The following PITRM1 variants were observed in gnomAD, a reference collection of about 807,000 sequenced individuals.
PITRM1 encodes pitrilysin metallopeptidase 1, also known as presequence protease, mitochondrial.
PITRM1 carries 100 observed loss-of-function variants against 129.9 expected under a neutral mutation model. The ratio of observed to expected loss-of-function variants is 0.77; its 90% CI spans 0.65 to 0.91. The LOEUF (loss-of-function observed/expected upper bound fraction) is 0.91, where lower values mean the gene tolerates loss of function less well. PITRM1 is among the 40% of genes least tolerant of loss of function. The pLI, the probability that PITRM1 is intolerant of heterozygous loss-of-function variation, is 0.00. For synonymous variants in PITRM1, 591 were observed against 508.8 expected, an observed-to-expected ratio of 1.16 and a Z score of -2.17; for missense variants, 1,471 against 1,318.3, an observed-to-expected ratio of 1.12 and a Z score of -1.79.
chr10:3,172,311 C>T (rs1843447238), intron 1 of PITRM1: 2 of 496,680 alleles, frequency 4.0e-6, no homozygotes, highest in South Asian at 1.5e-5. Flanking sequence ...CTGAACACAG[C>T]GAGACTTTAA....
chr10:3,151,101 G>C, intron 15 of PITRM1, 146 bp downstream of exon 15: 1 of 648,112 alleles, frequency 1.5e-6, no homozygotes, highest in Non-Finnish European at 2.9e-6. Context: ...CAGAAGAATC[G>C]TGTAGAGCGA....
At chr10:3,166,126 A>G (rs1342599316) in intron 4 of PITRM1, 103 bp downstream of exon 4, 3 of 968,214 alleles carry the variant, frequency 3.1e-6, no homozygotes, top group African/African-American at 1.7e-5. Context: ...TTTCTAGAAC[A>G]TGAATTGCCC....
rs1230084249 is a variant in PITRM1, at chr10:3,138,088, G to C, written c.3057C>G (p.Ala1019=). 6.2e-7 allele frequency: 1 copy of C among 1,610,752 alleles called. No individual in the cohort carries two copies. The highest frequency in any genetic ancestry group is 1.1e-5 in the South Asian group (1 of 90,030). The change falls in exon 27 of 27, where the codon GCC becomes GCG. Residue 1019 remains alanine, a synonymous_variant. Coordinates refer to ENST00000224949, the MANE Select transcript of PITRM1 (RefSeq NM_014889.4). ...TTTTCGGGTTCTCGGGTCCGAGGAT[G>C]GCCAGGCCGTGTGTGCTCTTCCCAG... The part of the protein sequence containing the change: ...LGTGKSTHGL[A]ILGPENPKIA...
chr10:3,138,467 G>A, intron 25 of PITRM1, 130 bp from the exon 26 acceptor site: 1 of 696,662 alleles, frequency 1.4e-6, no homozygotes, highest in Non-Finnish European at 2.5e-6. Flanking sequence ...CCACAGGGAT[G>A]TGTCTAACAA....
intron 13 of PITRM1, 101 bp from the exon 14 acceptor site, chr10:3,155,830 T>TC: frequency 7.4e-7 from 1 of 1,345,960 alleles, no homozygotes; most frequent in Non-Finnish European, 1.0e-6. Context: ...GTCCTGTGGT[T>TC]CCACTTTCCC....
chr10:3,138,626 G>T, intron 25 of PITRM1: 1 of 606,664 alleles, frequency 1.6e-6, no homozygotes, highest in Non-Finnish European at 2.9e-6. Context: ...GGCCATGCCC[G>T]GGCCGTGCCC....
Position 3,163,760 on chromosome 10 carries a change from C to A in PITRM1, c.756G>T (p.Gln252His), listed in dbSNP as rs1842642265. The part of the protein sequence containing the change: ...IPELTWEQLK[Q>H]FHATHYHPSN... ...TTGGGTGATAGTGAGTGGCATGAAA[C>A]TGCTTAAGCTGCTCCCATGTAAGCT... The change falls in exon 7 of 27, where the codon CAG becomes CAT. Residue 252 changes from glutamine (Q) to histidine (H), a missense_variant. Transcript: ENST00000224949. 6.2e-7 allele frequency: 1 copy of A among 1,612,002 alleles called. No individual in the cohort carries two copies.
intron 6 of PITRM1, 42 bp from the exon 7 acceptor site, chr10:3,163,927 A>C: frequency 7.2e-7 from 1 of 1,387,874 alleles, no homozygotes; most frequent in Non-Finnish European, 1.0e-6. Context: ...TACATGTAAA[A>C]TAATACACAC....
intron 25 of PITRM1, 43 bp downstream of exon 25, chr10:3,138,861 G>A (rs1309804899): frequency 3.7e-6 from 6 of 1,601,012 alleles, no homozygotes; most frequent in South Asian, 2.2e-5. Flanking sequence ...AACGTCATCT[G>A]TGAGGCTGTG....
chr10:3,145,475 C>T lies in PITRM1; in HGVS notation c.2457+121G>A, dbSNP rs112975086. 3.8e-3 allele frequency: 2,955 copies of T among 779,638 alleles called. 16 individuals carry two copies. Among genetic ancestry groups the T allele is most frequent in the African/African-American group, 0.017 (987 of 57,576 alleles). 48.3% of individuals were successfully genotyped at this position (779,638 alleles called of 1,614,324 possible). The stretch of plus-strand genomic sequence containing the variant: ...GAACCTCAGTTTCTTCATCTGCGTA[C>T]GGGGGATATGAACCCCCACATGCTG... On this transcript the variant is annotated intron_variant, in intron 21 of 26. Coordinates refer to ENST00000224949, the MANE Select transcript of PITRM1 (RefSeq NM_014889.4).
Position 3,172,707 on chromosome 10 carries a change from A to T in PITRM1, c.56+10T>A. 2 of 1,535,998 alleles carry T rather than the reference A, an allele frequency of 1.3e-6. No homozygotes were observed. The highest frequency in any genetic ancestry group is 2.4e-5 in the South Asian group (2 of 82,996). ...CAGCGCGCCGAGCGCCTCCCGTCGC[A>T]GCGTCTCACCCGCCGCTCAGCCGCC... On this transcript the variant is annotated intron_variant, in intron 1 of 26. Coordinates refer to ENST00000224949, the MANE Select transcript of PITRM1 (RefSeq NM_014889.4).
chr10:3,165,644 T>C, intron 4 of PITRM1, 117 bp from the exon 5 acceptor site: 3 of 675,776 alleles, frequency 4.4e-6, no homozygotes, highest in Non-Finnish European at 7.7e-6. Context: ...ATTCTTGGGA[T>C]GGGGCAGTGG....
intron 23 of PITRM1, among the ~76,000 whole-genome samples, chr10:3,141,252 C>T (rs114080913): frequency 0.015 from 2,245 of 150,972 alleles, 53 homozygotes; most frequent in African/African-American, 0.049. Flanking sequence ...CTAAAAAGCA[C>T]AAGGAAGCAC....
Position 3,147,282 on chromosome 10 carries a change from C to G in PITRM1, c.2236-32G>C, listed in dbSNP as rs561147451. 9 of 1,476,194 alleles carry G rather than the reference C, an allele frequency of 6.1e-6. No individual in the cohort carries two copies. The African/African-American group carries it at 1.2e-4, about 20-fold the overall frequency. The allele number at this position is 1,476,194 out of a possible 1,614,324, so 91.4% of individuals were successfully genotyped here. Reference sequence around the variant, plus strand: ...CAGAGGAAACTCGCTCAGAGAGAGGCAGAGGCTACAACAGACCCGCTGAGT... The same window carrying G: ...CAGAGGAAACTCGCTCAGAGAGAGGGAGAGGCTACAACAGACCCGCTGAGT... On this transcript the variant is annotated intron_variant, in intron 19 of 26. Coordinates refer to ENST00000224949, the MANE Select transcript of PITRM1 (RefSeq NM_014889.4).
At chr10:3,152,707 C>T (rs1313575414) in intron 14 of PITRM1, among the ~76,000 whole-genome samples, 3 of 152,240 alleles carry the variant, frequency 2.0e-5, no homozygotes, top group South Asian at 2.1e-4. Flanking sequence ...CCCGACCTCA[C>T]GCCACTCGGA....
At chr10:3,167,063 C>T (rs1053023493) in intron 2 of PITRM1, 21 bp from the exon 3 acceptor site, 16 of 1,479,216 alleles carry the variant, frequency 1.1e-5, no homozygotes, top group Admixed American at 5.7e-5. Flanking sequence ...AAGAAAAACA[C>T]GACCAGTTAA....
intron 7 of PITRM1, among the ~76,000 whole-genome samples, chr10:3,161,151 G>A (rs907089678): frequency 6.6e-6 from 1 of 152,082 alleles, no homozygotes; most frequent in Admixed American, 6.5e-5. Flanking sequence ...CTTGGCCTCC[G>A]TAAGTGCTTG....
At chr10:3,169,431 G>T (rs143811900) in intron 2 of PITRM1, among the ~76,000 whole-genome samples, 6 of 152,126 alleles carry the variant, frequency 3.9e-5, no homozygotes, top group Non-Finnish European at 8.8e-5. Context: ...TCCGCGTGGC[G>T]TCCACCATGT....
chr10:3,145,474 A>G, intron 21 of PITRM1, 122 bp downstream of exon 21: 1 of 776,210 alleles, frequency 1.3e-6, no homozygotes, highest in East Asian at 2.7e-5. Context: ...TCATCTGCGT[A>G]CGGGGGATAT....
Sources: allele counts gnomAD v4.1 joint callset (sites outside exome capture counted in the v4.1 genomes callset), GRCh38; gene constraint gnomAD v4.1.1; transcripts MANE v1.5; gene names NCBI Gene and HGNC (gene_info 2026-07-23, HGNC 2026-07-21).